Variants in SMTN observed in about 807,000 individuals in gnomAD.
The protein encoded by SMTN is smoothelin.
Under a neutral mutation model 102.0 loss-of-function variants are expected in SMTN, and 58 were observed. That is an observed-to-expected ratio of 0.57 (90% CI 0.46 to 0.71). The LOEUF (loss-of-function observed/expected upper bound fraction) is 0.71. Ranked by LOEUF, SMTN falls within the 30% of genes least tolerant of loss-of-function variation. SMTN has a pLI of 0.00. For missense variants in SMTN, 1,185 were observed against 1,241.7 expected (o/e 0.95, Z 0.69); for synonymous variants, 478 against 497.9 (o/e 0.96, Z 0.53).
intron 2 of SMTN, among the ~76,000 whole-genome samples, chr22:31,084,162 C>T (rs1286690764): frequency 1.3e-5 from 2 of 152,188 alleles, no homozygotes; most frequent in Non-Finnish European, 2.9e-5. Flanking sequence ...GCACAGAGGC[C>T]GTAGGGCAAC....
At position 31,088,043 on chromosome 22, in the gene SMTN, C is replaced by T. The variant is rs554157890; in HGVS notation, c.130C>T (p.Arg44Cys). The change falls in exon 3 of 21, where the codon CGC becomes TGC. Residue 44 changes from arginine (R) to cysteine (C), a missense_variant. By Grantham distance (180) the Arg-to-Cys change is radical (BLOSUM62 -3). This residue lies in a region of SMTN where 1,096 missense variants were observed against 1,112.7 expected (regional missense o/e 0.98). Transcript: ENST00000333137. Reference sequence around the variant, plus strand: ...GGAACTGCAGCGGCAGGAGCTGGAGCGCGAGGAGGAGGCCCTGGCATCCAA... The same window carrying T: ...GGAACTGCAGCGGCAGGAGCTGGAGTGCGAGGAGGAGGCCCTGGCATCCAA... ...IRELQRQELE[R>C]EEEALASKRF... 18 of 1,611,964 alleles carry T rather than the reference C, an allele frequency of 1.1e-5. No homozygotes were observed. The highest frequency in any genetic ancestry group is 1.7e-4 in the Middle Eastern group (1 of 6,060).
At chr22:31,097,432 A>G in intron 16 of SMTN, 94 bp downstream of exon 16, 1 of 1,168,762 alleles carries the variant, frequency 8.6e-7, no homozygotes, top group Non-Finnish European at 1.3e-6. Flanking sequence ...GGCTGGGCAC[A>G]GTGGCTCTTG....
At chr22:31,099,004 G>C in intron 17 of SMTN, 58 bp from the exon 18 acceptor site, 1 of 1,554,776 alleles carries the variant, frequency 6.4e-7, no homozygotes, top group Non-Finnish European at 8.8e-7. Context: ...CACTGGGTGG[G>C]CCCACCGAGG....
intron 17 of SMTN, 59 bp downstream of exon 17, chr22:31,098,899 G>A: frequency 1.3e-6 from 2 of 1,549,390 alleles, no homozygotes; most frequent in South Asian, 1.1e-5. Context: ...AGTGGGGGGC[G>A]GGGCTTGATA....
chr22:31,104,400 C>G lies in SMTN; in HGVS notation c.*105C>G. On this transcript the variant is annotated 3_prime_UTR_variant, in exon 21 of 21. Transcript: ENST00000333137. ...AGCCTGACCCCAAGTGTGTCTTCAC[C>G]TATGTGCAGTCGCTCTACAACCACC... 1 of 1,614,166 alleles carries G rather than the reference C, an allele frequency of 6.2e-7. No homozygotes were observed. The highest frequency in any genetic ancestry group is 8.5e-7 in the Non-Finnish European group (1 of 1,180,022).
chr22:31,097,195 C>T, intron 15 of SMTN, 74 bp from the exon 16 acceptor site: 2 of 1,515,968 alleles, frequency 1.3e-6, no homozygotes, highest in Non-Finnish European at 9.2e-7. Flanking sequence ...CACCACCCCT[C>T]CATACAGCCT....
At position 31,101,214 on chromosome 22, in the gene SMTN, G is replaced by A. The variant is rs1569270757; in HGVS notation, c.*20+165G>A. 9.1e-6 allele frequency: 6 copies of A among 657,986 alleles called. No individual in the cohort carries two copies. In the South Asian group the frequency reaches 1.0e-4, roughly 11 times the overall value. The allele number at this position is 657,986 out of a possible 1,614,324, so 40.8% of individuals were successfully genotyped here. A position where few individuals can be genotyped will look rare whatever the true frequency, so the allele number is the denominator to read the frequency against. ...TGGCAGTTCAGGGCCCAGCAGGTGA[G>A]ACCATTCTAAATGGGCAGTGATGAC... On this transcript the variant is annotated intron_variant, in intron 20 of 20. Coordinates refer to ENST00000333137, the MANE Select transcript of SMTN (RefSeq NM_134269.3).
rs766701368 is a variant in SMTN at position 31,088,468 on chromosome 22, G to A, written c.201-45G>A. 1.3e-5 allele frequency: 20 copies of A among 1,550,382 alleles called. No individual in the cohort carries two copies. The South Asian group carries it at 1.4e-4, about 11-fold the overall frequency. Reference sequence around the variant, plus strand: ...CCTACCCTTAGCCCACATCCTCCACGACCTGGCCATGGCAGTGGTGGTTAC... The same window carrying A: ...CCTACCCTTAGCCCACATCCTCCACAACCTGGCCATGGCAGTGGTGGTTAC... On this transcript the variant is annotated intron_variant, in intron 3 of 20. Coordinates refer to ENST00000333137, the MANE Select transcript of SMTN (RefSeq NM_134269.3).
chr22:31,080,368 C>T (rs1467654589), upstream of SMTN: 1 of 152,198 alleles, frequency 6.6e-6, no homozygotes, highest in East Asian at 1.9e-4. Flanking sequence ...TAGTCATGGT[C>T]TCATGTGCTT....
intron 2 of SMTN, 165 bp from the exon 3 acceptor site, chr22:31,087,800 G>A (rs1281080666): frequency 2.4e-5 from 15 of 622,646 alleles, no homozygotes; most frequent in Non-Finnish European, 4.0e-5. Flanking sequence ...ACAGTGGGCT[G>A]GGTCTACCCC....
At chr22:31,101,169 C>A (rs2044061248) in intron 20 of SMTN, 120 bp downstream of exon 20, 1 of 911,932 alleles carries the variant, frequency 1.1e-6, no homozygotes, top group Non-Finnish European at 1.6e-6. Context: ...GCCAGAGGAG[C>A]CAGACATAGC....
chr22:31,100,842 T>G, intron 19 of SMTN, 43 bp from the exon 20 acceptor site: 22 of 601,700 alleles, frequency 3.7e-5, no homozygotes, highest in Admixed American at 4.8e-5. Flanking sequence ...CCTGGCCTCC[T>G]GCCCCCGTCC....
chr22:31,087,975 C>A lies in SMTN; in HGVS notation c.62C>A (p.Thr21Lys). 1 of 1,601,194 alleles carries A rather than the reference C, an allele frequency of 6.2e-7. No homozygotes were observed. The highest frequency in any genetic ancestry group is 2.2e-5 in the East Asian group (1 of 44,568). The change falls in exon 3 of 21, where the codon ACA (threonine) becomes AAA (lysine). Residue 21 changes from threonine to lysine, a missense_variant. This residue lies in a region of SMTN where 1,096 missense variants were observed against 1,112.7 expected (regional missense o/e 0.98). Coordinates refer to ENST00000333137, the MANE Select transcript of SMTN (RefSeq NM_134269.3). The part of the protein sequence containing the change: ...EGALRKLLEV[T>K]ADLAERRRIR... ...TCGCACCCACTGCAGCTGGAGGTCA[C>A]AGCAGATCTGGCAGAGCGGCGGCGC...
rs749629071 is a variant in SMTN, at chr22:31,091,015, G to A, written c.992G>A (p.Arg331Gln). The change falls in exon 10 of 21, where the codon CGG (arginine) becomes CAG (glutamine). Residue 331 changes from arginine to glutamine, a missense_variant. This residue lies in a region of SMTN where 1,096 missense variants were observed against 1,112.7 expected (regional missense o/e 0.98). Coordinates refer to ENST00000333137, the MANE Select transcript of SMTN (RefSeq NM_134269.3). ...PSSFQRAGSV[R>Q]DRVHKFTSDS... is the part of the protein sequence containing the mutation. ...TCATTCCAGCGGGCTGGCTCTGTGC[G>A]GGATCGTGTCCACAAGTTCACATCT... 9.3e-6 allele frequency: 15 copies of A among 1,613,854 alleles called. No individual in the cohort carries two copies. In the East Asian group the frequency reaches 1.1e-4, roughly 12 times the overall value.
At chr22:31,087,854 A>G in intron 2 of SMTN, 111 bp from the exon 3 acceptor site, 1 of 1,202,546 alleles carries the variant, frequency 8.3e-7, no homozygotes, top group Non-Finnish European at 1.1e-6. Context: ...AGCTTGGGAC[A>G]CAGGGAGTGG....
At chr22:31,093,540 AG>A in intron 11 of SMTN, 1 of 708,288 alleles carries the variant, frequency 1.4e-6, no homozygotes, top group Non-Finnish European at 2.6e-6. Flanking sequence ...CGGTGGCTGA[AG>A]CAGGCCGGGT....
rs935647526 is a variant in SMTN, at chr22:31,090,003, G to T, written c.776G>T (p.Gly259Val). ...TCTCCAACGCTCCCCAGCACTGAGG[G>T]CCAGGTGGTCAACAAGGTGAGTCTG... The part of the protein sequence containing the change: ...QESPTLPSTE[G>V]QVVNKLLSGP... The change falls in exon 7 of 21, where the codon GGC becomes GTC. Residue 259 changes from glycine (G) to valine (V), a missense_variant. This residue lies in a region of SMTN where 1,096 missense variants were observed against 1,112.7 expected (regional missense o/e 0.98). Coordinates refer to ENST00000333137, the MANE Select transcript of SMTN (RefSeq NM_134269.3). The T allele has an allele frequency of 8.7e-6, 14 of 1,606,010 alleles. No homozygotes were observed. The highest frequency in any genetic ancestry group is 1.2e-5 in the Non-Finnish European group (14 of 1,175,730).
In SMTN at chr22:31,088,534, G is replaced by A. The variant is rs1036985834; in HGVS notation, c.222G>A (p.Glu74=). Residue 74 remains glutamate (E), a synonymous_variant, in exon 4 of 21, where the codon GAG becomes GAA. Transcript: ENST00000333137. Reference sequence around the variant, plus strand: ...GCAGCTCTCAGCAGCGGGAAGCTGAGCAGCGGGCTGCCCTGGCACGGCTGG... The same window carrying A: ...GCAGCTCTCAGCAGCGGGAAGCTGAACAGCGGGCTGCCCTGGCACGGCTGG... ...NWLHSQQREA[E]QRAALARLAG... is the part of the protein sequence containing the mutation. The A allele has an allele frequency of 1.2e-6, 2 of 1,613,712 alleles. No individual in the cohort carries two copies. The highest frequency in any genetic ancestry group is 1.7e-6 in the Non-Finnish European group (2 of 1,179,908).
intron 20 of SMTN, chr22:31,102,023 T>A (rs2044135838): frequency 6.6e-6 from 1 of 151,822 alleles, no homozygotes; most frequent in East Asian, 1.9e-4. Flanking sequence ...CAGGCTCCTG[T>A]GTGGGCACTG....
Sources: gnomAD v4.1 joint callset for allele counts (sites outside exome capture counted in the v4.1 genomes callset) on GRCh38, gnomAD v4.1.1 for gene constraint, gnomAD v4.1.1 regional missense constraint, MANE v1.5 for transcripts, NCBI Gene and HGNC (gene_info 2026-07-23, HGNC 2026-07-21) for gene names.